The following ADAMTS5 variants were observed in gnomAD, a reference collection of about 807,000 sequenced individuals.
The protein encoded by ADAMTS5 is A disintegrin and metalloproteinase with thrombospondin motifs 5.
ADAMTS5 carries 54 observed loss-of-function variants against 81.4 expected under a neutral mutation model. The observed-to-expected ratio is 0.66, with a 90% CI of 0.53 to 0.83. ADAMTS5 has a LOEUF of 0.83. ADAMTS5 is among the 40% of genes least tolerant of loss of function. The pLI is 0.00. For missense variants in ADAMTS5, 1,194 were observed against 1,229.9 expected, an observed-to-expected ratio of 0.97 and a Z score of 0.44; for synonymous variants, 532 against 508.8, an observed-to-expected ratio of 1.05 and a Z score of -0.61.
chr21:26,945,353 T>C (rs1297901862), intron 2 of ADAMTS5, among the ~76,000 whole-genome samples: 1 of 152,190 alleles, frequency 6.6e-6, no homozygotes, highest in Non-Finnish European at 1.5e-5. Flanking sequence ...TGTCCCCAAG[T>C]GACCTCTGCA....
rs556687366 is a variant in ADAMTS5 at position 26,963,853 on chromosome 21, A to C, written c.1104+1435T>G. 5.1e-4 allele frequency among the ~76,000 whole-genome samples: 78 copies of C among 152,162 alleles called. 1 individual carries two copies. The highest frequency in any genetic ancestry group is 1.2e-3 in the Admixed American group (19 of 15,280). ...AGGAAAAAAATGTTTTCCATTGTGC[A>C]CAGCACTGCGCGCTGCTTGGCTCTC... On this transcript the variant is annotated intron_variant, in intron 1 of 7. Transcript: ENST00000284987.
chr21:26,930,076 A>G lies in ADAMTS5; in HGVS notation c.2050-15T>C. ...CCATCGGTCACCTGAATCATGGCAA[A>G]TGCATTAGGAGTGGGAAATGTTTGC... On this transcript the variant is annotated splice_polypyrimidine_tract_variant and intron_variant, in intron 6 of 7. Transcript: ENST00000284987. 1.9e-6 allele frequency: 3 copies of G among 1,612,678 alleles called. No individual in the cohort carries two copies. Among genetic ancestry groups the G allele is most frequent in the Non-Finnish European group, 1.7e-6 (2 of 1,178,910 alleles).
Position 26,966,465 on chromosome 21 carries a change from G to A in ADAMTS5, c.-74C>T. 7.4e-7 allele frequency: 1 copy of A among 1,359,912 alleles called. No individual in the cohort carries two copies. The highest frequency in any genetic ancestry group is 9.4e-7 in the Non-Finnish European group (1 of 1,058,540). 84.2% of individuals were successfully genotyped at this position (1,359,912 alleles called of 1,614,324 possible). ...TTTGTTATTTGCTATGAAGTTAACG[G>A]GGCGGGGGATGGGGACACACACACA... On this transcript the variant is annotated 5_prime_UTR_variant, in exon 1 of 8. Transcript: ENST00000284987.
intron 1 of ADAMTS5, among the ~76,000 whole-genome samples, chr21:26,957,413 GAT>G (rs1368084438): frequency 6.7e-6 from 1 of 148,772 alleles, no homozygotes. Flanking sequence ...GTGATACACG[GAT>G]ATGTGTGTGT....
rs1052961 is a variant in ADAMTS5 at position 26,920,031 on chromosome 21, G to A, written c.*4022C>T. ...AGCATCTTTCATTATAAAGAGATTA[G>A]TAATATTCACCAATCATGCCAATGA... On this transcript the variant is annotated 3_prime_UTR_variant, in exon 8 of 8. Coordinates refer to ENST00000284987, the MANE Select transcript of ADAMTS5 (RefSeq NM_007038.5). The A allele has an allele frequency of 6.6e-6, 1 of 152,046 alleles. No homozygotes were observed. The highest frequency in any genetic ancestry group is 1.5e-5 in the Non-Finnish European group (1 of 67,974). 9.4% of individuals were successfully genotyped at this position (152,046 alleles called of 1,614,324 possible).
At chr21:26,938,419 T>C (rs1987054921) in intron 3 of ADAMTS5, among the ~76,000 whole-genome samples, 1 of 152,192 alleles carries the variant, frequency 6.6e-6, no homozygotes, top group Non-Finnish European at 1.5e-5. Flanking sequence ...ACTAAAGGTG[T>C]TGGAAGGAAT....
In ADAMTS5 at chr21:26,965,159, C is replaced by G. The variant is rs1987612755; in HGVS notation, c.1104+129G>C. 3 of 1,365,892 alleles carry G rather than the reference C, an allele frequency of 2.2e-6. No homozygotes were observed. The South Asian group carries it at 4.3e-5, about 19-fold the overall frequency. 84.6% of individuals were successfully genotyped at this position (1,365,892 alleles called of 1,614,324 possible). A position where few individuals can be genotyped will look rare whatever the true frequency, so the allele number is the denominator to read the frequency against. ...CAGAGTTGAAGGCTGGTTGGATTTC[C>G]TGCAAGAAGCAGTTAAACACATCCA... On this transcript the variant is annotated intron_variant, in intron 1 of 7. Coordinates refer to ENST00000284987, the MANE Select transcript of ADAMTS5 (RefSeq NM_007038.5).
At chr21:26,957,429 TATAG>T (rs1275250803) in intron 1 of ADAMTS5, among the ~76,000 whole-genome samples, 2 of 130,172 alleles carry the variant, frequency 1.5e-5, no homozygotes, top group Non-Finnish European at 3.3e-5. Context: ...TGTGTGTGTC[TATAG>T]ATAGATGGAT....
At chr21:26,938,590 T>G (rs1987058422) in intron 3 of ADAMTS5, among the ~76,000 whole-genome samples, 1 of 152,178 alleles carries the variant, frequency 6.6e-6, no homozygotes, top group South Asian at 2.1e-4. Flanking sequence ...AGTGCAGTGG[T>G]GCAATCTCGG....
Position 26,966,253 on chromosome 21 carries a change from G to C in ADAMTS5, c.139C>G (p.Gln47Glu). 15 of 1,594,684 alleles carry C rather than the reference G, an allele frequency of 9.4e-6. No homozygotes were observed. Among genetic ancestry groups the C allele is most frequent in the Non-Finnish European group, 1.3e-5 (15 of 1,173,160 alleles). The change falls in exon 1 of 8, where the codon CAG (glutamine) becomes GAG (glutamate). Residue 47 changes from glutamine to glutamate, a missense_variant. This residue lies in a region of ADAMTS5 where 498 missense variants were observed against 412.3 expected (regional missense o/e 1.21). Coordinates refer to ENST00000284987, the MANE Select transcript of ADAMTS5 (RefSeq NM_007038.5). ...AAAAAQPRRR[Q>E]GEEVQERAEP... ...GCTCGCTCCTGCACCTCCTCCCCCT[G>C]CCGCCGGCGGGGCTGGGCGGCTGCT... is the stretch of plus-strand genomic sequence containing the variant.
At chr21:26,938,241 G>A (rs949978325) in intron 3 of ADAMTS5, among the ~76,000 whole-genome samples, 5 of 150,120 alleles carry the variant, frequency 3.3e-5, no homozygotes, top group Admixed American at 2.0e-4. Flanking sequence ...GCGAAACTCC[G>A]TCTCAAAAAA....
At chr21:26,960,796 C>T (rs1031754933) in intron 1 of ADAMTS5, among the ~76,000 whole-genome samples, 4 of 152,158 alleles carry the variant, frequency 2.6e-5, no homozygotes, top group African/African-American at 9.7e-5. Flanking sequence ...ATTATCTTCT[C>T]CAAACTAATC....
chr21:26,925,196 G>T (rs1371816283), intron 7 of ADAMTS5, among the ~76,000 whole-genome samples: 1 of 152,138 alleles, frequency 6.6e-6, no homozygotes, highest in African/African-American at 2.4e-5. Flanking sequence ...CCAATGTGCA[G>T]ACTAACTTGG....
Position 26,965,992 on chromosome 21 carries a change from C to G in ADAMTS5, c.400G>C (p.Gly134Arg). 1 of 1,613,232 alleles carries G rather than the reference C, an allele frequency of 6.2e-7. No homozygotes were observed. The highest frequency in any genetic ancestry group is 8.5e-7 in the Non-Finnish European group (1 of 1,179,832). The stretch of plus-strand genomic sequence containing the variant: ...GAGCGGGGACTACCGTCCACTGTGC[C>G]CCGATAGAAGCAGTGGCTCCGGTGG... ...WRHRSHCFYR[G>R]TVDGSPRSLA... is the part of the protein sequence containing the mutation. The change falls in exon 1 of 8, where the codon GGC becomes CGC. Residue 134 changes from glycine to arginine, a missense_variant. Gly to Arg is a moderately radical substitution (Grantham distance 125, BLOSUM62 -2). Coordinates refer to ENST00000284987, the MANE Select transcript of ADAMTS5 (RefSeq NM_007038.5).
chr21:26,934,553 C>T lies in ADAMTS5; in HGVS notation c.1602G>A (p.Leu534=), dbSNP rs534010165. 6.2e-7 allele frequency: 1 copy of T among 1,614,204 alleles called. No individual in the cohort carries two copies. Among genetic ancestry groups the T allele is most frequent in the African/African-American group, 1.3e-5 (1 of 75,052 alleles). ...CACAAGGCGTCCCTTCCACCGCAGG[C>T]AGCTTCTTGGTCAGACAGACCATCT... ...QGQMVCLTKK[L]PAVEGTPCGK... is the part of the protein sequence containing the mutation. Residue 534 remains leucine, a synonymous_variant, in exon 4 of 8, where the codon CTG becomes CTA. Transcript: ENST00000284987.
At chr21:26,963,640 C>T (rs1377487936) in intron 1 of ADAMTS5, among the ~76,000 whole-genome samples, 7 of 29,740 alleles carry the variant, frequency 2.4e-4, no homozygotes, top group African/African-American at 7.1e-4. Flanking sequence ...AAGTTGCTTA[C>T]CAAAAAAAAA....
chr21:26,931,321 G>A lies in ADAMTS5; in HGVS notation c.2049+683C>T, dbSNP rs144435829. The stretch of plus-strand genomic sequence containing the variant: ...CAGCTTCCCAAAGTGCTGGGATTAC[G>A]GGTGTGAGCCACTGCGCCCAGCCAT... On this transcript the variant is annotated intron_variant, in intron 6 of 7. Coordinates refer to ENST00000284987, the MANE Select transcript of ADAMTS5 (RefSeq NM_007038.5). 4.0e-3 allele frequency among the ~76,000 whole-genome samples: 601 copies of A among 152,150 alleles called. 3 individuals carry two copies. The highest frequency in any genetic ancestry group is 0.014 in the African/African-American group (568 of 41,520).
chr21:26,947,986 C>A (rs746554641), intron 2 of ADAMTS5, among the ~76,000 whole-genome samples: 1 of 152,128 alleles, frequency 6.6e-6, no homozygotes, highest in Non-Finnish European at 1.5e-5. Flanking sequence ...GCAAACAAAT[C>A]GTCACCTGAT....
At chr21:26,938,955 A>T (rs113616942) in intron 3 of ADAMTS5, among the ~76,000 whole-genome samples, 36 of 152,198 alleles carry the variant, frequency 2.4e-4, no homozygotes, top group Non-Finnish European at 7.3e-5. Flanking sequence ...AATATTCATG[A>T]TGCAGGAGAA....
Sources: allele counts gnomAD v4.1 joint callset (sites outside exome capture counted in the v4.1 genomes callset), GRCh38; gene constraint gnomAD v4.1.1; regional missense constraint gnomAD v4.1.1; transcripts MANE v1.5; gene names NCBI Gene and HGNC (gene_info 2026-07-23, HGNC 2026-07-21).